C7orf57: variants seen among roughly 807,000 people sequenced by gnomAD.
C7orf57 encodes chromosome 7 open reading frame 57, also known as uncharacterized protein C7orf57.
C7orf57 carries 33 observed loss-of-function variants against 39.0 expected under a neutral mutation model. The ratio of observed to expected loss-of-function variants is 0.85; its 90% CI spans 0.64 to 1.13. The LOEUF (loss-of-function observed/expected upper bound fraction) is 1.13. Among genes scored for constraint, C7orf57 ranks in the 50% most tolerant of loss-of-function variants. The pLI is 0.00. For missense variants in C7orf57, 346 were observed against 362.3 expected (o/e 0.95, Z 0.37); for synonymous variants, 124 against 137.1 (o/e 0.90, Z 0.67).
rs199558027 is a variant in C7orf57, at chr7:48,051,817, CTCTTTCTTTCTTTCTTTCTTTCTT to C, written c.606-851_606-828del. Among the ~76,000 whole-genome samples the C allele has an allele frequency of 1.2e-3, 59 of 51,178 alleles. 4 individuals are homozygous for C. Among genetic ancestry groups the C allele is most frequent in the East Asian group, 2.2e-3 (5 of 2,238 alleles). 33.6% of individuals were successfully genotyped at this position (51,178 alleles called of 152,430 possible). ...TTCTTTCCTTCCTTCCTTTTCTCTT[CTCTTTCTTTCTTTCTTTCTTTCTT>C]TCTTTCTTTCTTTCTTTCTTTCTTT... On this transcript the variant is annotated intron_variant, in intron 6 of 8. Coordinates refer to ENST00000348904, the MANE Select transcript of C7orf57 (RefSeq NM_001100159.3).
At chr7:48,051,770 CTT>C (rs142660699) in intron 6 of C7orf57, among the ~76,000 whole-genome samples, 1 of 53,946 alleles carries the variant, frequency 1.9e-5, no homozygotes, top group Non-Finnish European at 4.0e-5. Flanking sequence ...TTCTTTCTTT[CTT>C]TCTTTCTTTC....
At chr7:48,046,235 A>C (rs1790707556) in intron 4 of C7orf57, among the ~76,000 whole-genome samples, 1 of 151,664 alleles carries the variant, frequency 6.6e-6, no homozygotes, top group African/African-American at 2.4e-5. Context: ...AGGGAGAGAA[A>C]GAGAAAGAGA....
In C7orf57 at chr7:48,046,458, A is replaced by C. The variant is rs765383564; in HGVS notation, c.351-2A>C. Reference sequence around the variant, plus strand: ...GGCTGTAACTGGTGTCTGTCCTTGCAGAGTGCGGGCTGTCTCCATGCCGGA... The same window carrying C: ...GGCTGTAACTGGTGTCTGTCCTTGCCGAGTGCGGGCTGTCTCCATGCCGGA... On this transcript the variant is annotated splice_acceptor_variant, in intron 4 of 8. Coordinates refer to ENST00000348904, the MANE Select transcript of C7orf57 (RefSeq NM_001100159.3). LOFTEE classifies it high-confidence loss of function. 1 of 1,612,388 alleles carries C rather than the reference A, an allele frequency of 6.2e-7. No individual in the cohort carries two copies. Among genetic ancestry groups the C allele is most frequent in the South Asian group, 1.1e-5 (1 of 90,708 alleles).
chr7:48,039,149 C>T (rs1583799744), intron 2 of C7orf57, among the ~76,000 whole-genome samples: 1 of 152,154 alleles, frequency 6.6e-6, no homozygotes, highest in South Asian at 2.1e-4. Flanking sequence ...GGATTCTCTA[C>T]AGAATGTAGA....
intron 3 of C7orf57, among the ~76,000 whole-genome samples, chr7:48,042,686 A>T (rs1252291482): frequency 7.1e-6 from 1 of 140,418 alleles, no homozygotes; most frequent in African/African-American, 2.6e-5. Flanking sequence ...CTTTAAAAGT[A>T]AAAAAAAAAA....
rs1218830029 is a variant in C7orf57, at chr7:48,041,430, A to G, written c.152A>G (p.His51Arg). ...GGTCTCAGCAATTTGGGAGACTCAC[A>G]CAGCGAGAACCTGCCTGGGACTCGG... ...IPGLSNLGDSHSENLPGTRRY... is the reference protein window; with the variant it reads ...IPGLSNLGDSRSENLPGTRRY... Residue 51 changes from histidine to arginine, a missense_variant, in exon 3 of 9, where the codon CAC becomes CGC. His to Arg is a conservative substitution (Grantham distance 29, BLOSUM62 0). Transcript: ENST00000348904. The G allele has an allele frequency of 1.9e-6, 3 of 1,613,882 alleles. No homozygotes were observed. The highest frequency in any genetic ancestry group is 1.7e-5 in the Admixed American group (1 of 60,012).
At chr7:48,059,320 A>G (rs1034280687) in intron 8 of C7orf57, among the ~76,000 whole-genome samples, 1 of 152,108 alleles carries the variant, frequency 6.6e-6, no homozygotes, top group Non-Finnish European at 1.5e-5. Context: ...GTGTGTTGCT[A>G]TAACTTTCTG....
intron 3 of C7orf57, among the ~76,000 whole-genome samples, chr7:48,043,044 G>C (rs1790597250): frequency 6.6e-6 from 1 of 152,110 alleles, no homozygotes; most frequent in Non-Finnish European, 1.5e-5. Context: ...GTGGGGTTAG[G>C]GACAGCTCCA....
intron 5 of C7orf57, among the ~76,000 whole-genome samples, chr7:48,048,058 T>G (rs7778894): frequency 0.14 from 20,903 of 152,194 alleles, 2,189 homozygotes; most frequent in African/African-American, 0.29. Context: ...TTTAAGTTAG[T>G]ACCCATTTAC....
At chr7:48,039,748 AC>A (rs1790490262) in intron 2 of C7orf57, among the ~76,000 whole-genome samples, 1 of 150,268 alleles carries the variant, frequency 6.7e-6, no homozygotes, top group Admixed American at 6.6e-5. Flanking sequence ...TAGACTCTGA[AC>A]ATACTGCCCC....
At position 48,041,504 on chromosome 7, in the gene C7orf57, C is replaced by A. The variant is rs1030455969; in HGVS notation, c.226C>A (p.Gln76Lys). The change falls in exon 3 of 9, where the codon CAA becomes AAA. Residue 76 changes from glutamine to lysine, a missense_variant. Physicochemically the swap from Gln to Lys is moderately conservative, Grantham distance 53. Transcript: ENST00000348904. The stretch of plus-strand genomic sequence containing the variant: ...TTCGGAATATGTGAAGCTCGCGAAA[C>A]AAGGTGGCAGGCCCGGTGAGCCCCC... ...TDSEYVKLAK[Q>K]GGRPDLLKHF... 6 of 1,606,190 alleles carry A rather than the reference C, an allele frequency of 3.7e-6. No individual in the cohort carries two copies. The African/African-American group carries it at 5.3e-5, about 14-fold the overall frequency.
intron 3 of C7orf57, among the ~76,000 whole-genome samples, chr7:48,043,109 C>T (rs1790599376): frequency 6.6e-6 from 1 of 152,126 alleles, no homozygotes; most frequent in African/African-American, 2.4e-5. Context: ...GTGGGGGTAG[C>T]TGAGGATGAG....
At chr7:48,051,756 TTC>T (rs1323308859) in intron 6 of C7orf57, among the ~76,000 whole-genome samples, 1 of 25,546 alleles carries the variant, frequency 3.9e-5, no homozygotes. Flanking sequence ...TTTCTTTTCT[TTC>T]TTTCTTTCTT....
chr7:48,041,248 T>C (rs1303115611), intron 2 of C7orf57, 86 bp from the exon 3 acceptor site: 1 of 1,254,390 alleles, frequency 8.0e-7, no homozygotes, highest in Non-Finnish European at 1.1e-6. Context: ...CTGATGGTGT[T>C]GTCTGCATAG....
chr7:48,049,479 T>C (rs1031671482), intron 5 of C7orf57, among the ~76,000 whole-genome samples: 2 of 152,192 alleles, frequency 1.3e-5, no homozygotes, highest in African/African-American at 4.8e-5. Context: ...CTGATCATGA[T>C]ACAATTTGTT....
chr7:48,038,190 G>A (rs1216146213), intron 2 of C7orf57, among the ~76,000 whole-genome samples: 2 of 151,970 alleles, frequency 1.3e-5, no homozygotes, highest in East Asian at 3.9e-4. Context: ...TTAAAAGATT[G>A]TCTGTATTAA....
chr7:48,050,029 T>C lies in C7orf57; in HGVS notation c.605+52T>C, dbSNP rs139759922. 6.0e-4 allele frequency: 745 copies of C among 1,249,068 alleles called. 1 individual carries two copies. In the African/African-American group the frequency reaches 9.4e-3, roughly 16 times the overall value. 77.4% of individuals were successfully genotyped at this position (1,249,068 alleles called of 1,614,324 possible). On this transcript the variant is annotated intron_variant, in intron 6 of 8. Coordinates refer to ENST00000348904, the MANE Select transcript of C7orf57 (RefSeq NM_001100159.3). ...GTCTGGACTGGGTTTGGGTTTGGCC[T>C]TCCGTCTTTCATCCGGTGATGACTG...
chr7:48,057,620 C>G (rs1233849085), intron 8 of C7orf57, among the ~76,000 whole-genome samples: 1 of 152,008 alleles, frequency 6.6e-6, no homozygotes, highest in East Asian at 1.9e-4. Flanking sequence ...ATTTTTCATG[C>G]CTAATTGCTC....
At chr7:48,053,891 TC>T (rs1791034329) in intron 7 of C7orf57, among the ~76,000 whole-genome samples, 1 of 152,242 alleles carries the variant, frequency 6.6e-6, no homozygotes, top group Non-Finnish European at 1.5e-5. Flanking sequence ...CTGTTTTTAC[TC>T]TTGAGGCTTG....
Sources: allele counts gnomAD v4.1 joint callset (sites outside exome capture counted in the v4.1 genomes callset), GRCh38; gene constraint gnomAD v4.1.1; transcripts MANE v1.5; gene names NCBI Gene and HGNC (gene_info 2026-07-23, HGNC 2026-07-21).